Variants in KHDRBS3 observed in about 807,000 individuals in gnomAD.
KHDRBS3 encodes KH domain-containing, RNA-binding, signal transduction-associated protein 3.
Under a neutral mutation model 45.6 loss-of-function variants are expected in KHDRBS3, and 23 were observed. That is an observed-to-expected ratio of 0.50 (90% CI 0.36 to 0.72). KHDRBS3 has a LOEUF of 0.72. Ranked by LOEUF, KHDRBS3 falls within the 30% of genes least tolerant of loss-of-function variation. KHDRBS3 has a pLI of 0.00. For synonymous variants in KHDRBS3, 162 were observed against 156.5 expected (o/e 1.04, Z -0.26); for missense variants, 352 against 424.8 (o/e 0.83, Z 1.51).
At chr8:135,611,440 T>C (rs1829701279) in intron 7 of KHDRBS3, among the ~76,000 whole-genome samples, 1 of 151,888 alleles carries the variant, frequency 6.6e-6, no homozygotes, top group Admixed American at 6.6e-5. Context: ...TGCTATAAAT[T>C]GAAAGGAAGC....
At chr8:135,595,723 G>A (rs1828943294) in intron 6 of KHDRBS3, among the ~76,000 whole-genome samples, 1 of 152,172 alleles carries the variant, frequency 6.6e-6, no homozygotes, top group Admixed American at 6.5e-5. Flanking sequence ...CATTCCAAGA[G>A]GGGCTGTTGT....
intron 6 of KHDRBS3, among the ~76,000 whole-genome samples, chr8:135,595,652 C>A (rs1828940384): frequency 6.6e-6 from 1 of 152,204 alleles, no homozygotes; most frequent in Admixed American, 6.5e-5. Flanking sequence ...TCTGGTGGGC[C>A]AGTAGCCATT....
intron 1 of KHDRBS3, among the ~76,000 whole-genome samples, chr8:135,479,963 C>G (rs180953552): frequency 4.2e-4 from 64 of 152,246 alleles, no homozygotes; most frequent in African/African-American, 1.5e-3. Context: ...GATTATGCAC[C>G]ATGACCATGT....
intron 8 of KHDRBS3, among the ~76,000 whole-genome samples, chr8:135,646,214 A>G (rs1429265460): frequency 3.3e-5 from 5 of 152,126 alleles, no homozygotes; most frequent in Non-Finnish European, 7.3e-5. Context: ...AAATTGCTGT[A>G]TGTTGCAGCA....
chr8:135,576,305 T>C (rs556519304), intron 5 of KHDRBS3, among the ~76,000 whole-genome samples: 2 of 152,342 alleles, frequency 1.3e-5, no homozygotes, highest in East Asian at 3.9e-4. Flanking sequence ...GAACCCCTGA[T>C]TAAGAAGTGG....
chr8:135,469,840 G>A (rs911313286), intron 1 of KHDRBS3, among the ~76,000 whole-genome samples: 1 of 152,102 alleles, frequency 6.6e-6, no homozygotes, highest in African/African-American at 2.4e-5. Context: ...ACCACCTATT[G>A]TTAATGCACA....
At chr8:135,600,461 C>A (rs4279633) in intron 6 of KHDRBS3, among the ~76,000 whole-genome samples, 148,746 of 152,232 alleles carry the variant, frequency 0.98, 72,766 homozygotes, top group East Asian at 1. Context: ...TTAAAAATAG[C>A]CTCATTGGCT....
At chr8:135,526,629 A>G (rs1170025810) in intron 2 of KHDRBS3, among the ~76,000 whole-genome samples, 2 of 152,174 alleles carry the variant, frequency 1.3e-5, no homozygotes, top group Non-Finnish European at 2.9e-5. Context: ...AGAATAGTGT[A>G]GTGTGGAATT....
At chr8:135,637,327 G>A (rs1259819496) in intron 7 of KHDRBS3, among the ~76,000 whole-genome samples, 7 of 151,998 alleles carry the variant, frequency 4.6e-5, no homozygotes, top group Admixed American at 3.3e-4. Context: ...ATTCCTAACG[G>A]TTATTGTAAC....
At chr8:135,611,555 C>G (rs1046763177) in intron 7 of KHDRBS3, among the ~76,000 whole-genome samples, 1 of 151,850 alleles carries the variant, frequency 6.6e-6, no homozygotes, top group Non-Finnish European at 1.5e-5. Flanking sequence ...TCCTCTCTCC[C>G]GGGCTTGCAG....
intron 6 of KHDRBS3, among the ~76,000 whole-genome samples, chr8:135,598,801 A>T (rs368959710): frequency 5.3e-5 from 8 of 152,202 alleles, no homozygotes; most frequent in African/African-American, 1.9e-4. Context: ...AACTCAAATT[A>T]TAAGACTAAG....
intron 7 of KHDRBS3, among the ~76,000 whole-genome samples, chr8:135,636,955 A>G (rs1830839760): frequency 6.6e-6 from 1 of 152,252 alleles, no homozygotes; most frequent in South Asian, 2.1e-4. Context: ...ATTAGATGAC[A>G]GTAGTCGTAG....
chr8:135,458,247 C>T, intron 1 of KHDRBS3: 1 of 1,128,344 alleles, frequency 8.9e-7, no homozygotes, highest in South Asian at 2.3e-5. Context: ...GGGTGGGGGA[C>T]AGCGACCATC....
At chr8:135,464,532 A>T (rs910403482) in intron 1 of KHDRBS3, among the ~76,000 whole-genome samples, 2 of 152,240 alleles carry the variant, frequency 1.3e-5, no homozygotes, top group Non-Finnish European at 2.9e-5. Context: ...AGTTTATGGT[A>T]TATTTGTGAA....
intron 6 of KHDRBS3, among the ~76,000 whole-genome samples, chr8:135,596,240 A>G (rs529746312): frequency 6.6e-6 from 1 of 152,316 alleles, no homozygotes; most frequent in East Asian, 1.9e-4. Flanking sequence ...CTCTGGTGGA[A>G]CCCTGGTGAG....
At chr8:135,503,718 AGT>A in intron 1 of KHDRBS3, among the ~76,000 whole-genome samples, 1 of 152,212 alleles carries the variant, frequency 6.6e-6, no homozygotes, top group African/African-American at 2.4e-5. Context: ...ATGATAGTAG[AGT>A]TCTGGAACCT....
intron 1 of KHDRBS3, among the ~76,000 whole-genome samples, chr8:135,463,222 G>T (rs1387475377): frequency 6.6e-6 from 1 of 152,086 alleles, no homozygotes; most frequent in African/African-American, 2.4e-5. Flanking sequence ...CTGAGCACAG[G>T]GCCCTTGGGA....
intron 1 of KHDRBS3, among the ~76,000 whole-genome samples, chr8:135,484,280 G>A (rs896259569): frequency 6.6e-6 from 1 of 152,200 alleles, no homozygotes; most frequent in Non-Finnish European, 1.5e-5. Flanking sequence ...AAGATGGAAG[G>A]CTGATCACGC....
intron 2 of KHDRBS3, among the ~76,000 whole-genome samples, chr8:135,536,852 C>T (rs369936910): frequency 1.2e-4 from 18 of 148,248 alleles, no homozygotes; most frequent in African/African-American, 3.2e-4. Flanking sequence ...CCCAGCTACT[C>T]GGGAGGCTGA....
Sources: allele counts gnomAD v4.1 joint callset (sites outside exome capture counted in the v4.1 genomes callset), GRCh38; gene constraint gnomAD v4.1.1; transcripts MANE v1.5; gene names NCBI Gene and HGNC (gene_info 2026-07-23, HGNC 2026-07-21).